BMPR1B: variants seen among roughly 807,000 people sequenced by gnomAD.
BMPR1B encodes bone morphogenetic protein receptor type 1B.
A neutral mutation model predicts 59.1 loss-of-function variants in BMPR1B; 12 were observed. That is an observed-to-expected ratio of 0.20 (90% CI 0.13 to 0.33). BMPR1B has a LOEUF of 0.33. Ranked by LOEUF, BMPR1B falls within the 10% of genes least tolerant of loss-of-function variation. The pLI is 1.00. For missense variants in BMPR1B, 550 were observed against 610.9 expected, an observed-to-expected ratio of 0.90 and a Z score of 1.05; for synonymous variants, 237 against 207.3, an observed-to-expected ratio of 1.14 and a Z score of -1.23.
intron 1 of BMPR1B, among the ~76,000 whole-genome samples, chr4:94,764,794 C>T (rs1241530320): frequency 6.6e-6 from 1 of 152,134 alleles, no homozygotes; most frequent in African/African-American, 2.4e-5. Context: ...TTCCTTCACT[C>T]TTTCACAAAT....
intron 1 of BMPR1B, among the ~76,000 whole-genome samples, chr4:94,786,988 C>T (rs1029967426): frequency 4.6e-5 from 7 of 152,110 alleles, no homozygotes; most frequent in African/African-American, 1.2e-4. Flanking sequence ...TGCATCTGGC[C>T]GTAAACGTAA....
intron 3 of BMPR1B, among the ~76,000 whole-genome samples, chr4:95,012,930 G>A (rs2149126323): frequency 6.6e-6 from 1 of 152,094 alleles, no homozygotes; most frequent in Admixed American, 6.6e-5. Flanking sequence ...AAACAAATAG[G>A]TGCCTATCCA....
intron 3 of BMPR1B, among the ~76,000 whole-genome samples, chr4:95,062,568 G>T (rs1473521056): frequency 6.6e-6 from 1 of 152,072 alleles, no homozygotes; most frequent in African/African-American, 2.4e-5. Flanking sequence ...AATCTAAAGA[G>T]ATTACATGCA....
intron 2 of BMPR1B, among the ~76,000 whole-genome samples, chr4:94,884,722 A>G (rs1328719980): frequency 1.3e-5 from 2 of 152,198 alleles, no homozygotes; most frequent in African/African-American, 4.8e-5. Context: ...ACAGATTATG[A>G]TTGAGTAAAT....
chr4:94,941,444 A>AG, intron 2 of BMPR1B, among the ~76,000 whole-genome samples: 1 of 152,156 alleles, frequency 6.6e-6, no homozygotes, highest in South Asian at 2.1e-4. Context: ...AAAAAAAAAA[A>AG]ATGAAAAAGT....
At chr4:95,087,154 A>G (rs1217298683) in intron 3 of BMPR1B, among the ~76,000 whole-genome samples, 1 of 151,804 alleles carries the variant, frequency 6.6e-6, no homozygotes, top group Non-Finnish European at 1.5e-5. Context: ...CAGCCTCTCT[A>G]GTAGCTGGGA....
chr4:94,890,899 G>A (rs892749753), intron 2 of BMPR1B, among the ~76,000 whole-genome samples: 59 of 151,970 alleles, frequency 3.9e-4, no homozygotes, highest in African/African-American at 1.4e-3. Flanking sequence ...TATGAATTGG[G>A]GATGACACAA....
At chr4:94,944,421 T>C (rs536504076) in intron 2 of BMPR1B, among the ~76,000 whole-genome samples, 35 of 152,314 alleles carry the variant, frequency 2.3e-4, no homozygotes, top group Admixed American at 5.9e-4. Context: ...CCATAGTTAG[T>C]GGTAGCAGAT....
At chr4:94,959,081 T>C (rs923637227) in intron 2 of BMPR1B, among the ~76,000 whole-genome samples, 1 of 152,108 alleles carries the variant, frequency 6.6e-6, no homozygotes, top group African/African-American at 2.4e-5. Context: ...TTAGGGTTGC[T>C]TGAAAGCCAC....
intron 3 of BMPR1B, among the ~76,000 whole-genome samples, chr4:95,002,120 C>T (rs1293565867): frequency 6.6e-6 from 1 of 152,126 alleles, no homozygotes; most frequent in African/African-American, 2.4e-5. Context: ...TAGTTTTTCT[C>T]TCTTCCTACC....
chr4:95,024,835 G>T (rs973141003), intron 3 of BMPR1B, among the ~76,000 whole-genome samples: 2 of 152,156 alleles, frequency 1.3e-5, no homozygotes, highest in Non-Finnish European at 2.9e-5. Flanking sequence ...GGGTACATTG[G>T]CTCACACCTG....
intron 3 of BMPR1B, among the ~76,000 whole-genome samples, chr4:94,998,496 C>T (rs1722221126): frequency 6.6e-6 from 1 of 151,874 alleles, no homozygotes; most frequent in South Asian, 2.1e-4. Flanking sequence ...GCCTTAGCCT[C>T]CCGAGTAGCT....
chr4:94,964,362 G>A (rs1022337112), intron 2 of BMPR1B, among the ~76,000 whole-genome samples: 3 of 152,094 alleles, frequency 2.0e-5, no homozygotes, highest in African/African-American at 7.2e-5. Context: ...GTGCTAGGTT[G>A]AATAAGAATG....
At chr4:95,072,745 T>C (rs1728406428) in intron 3 of BMPR1B, among the ~76,000 whole-genome samples, 2 of 152,180 alleles carry the variant, frequency 1.3e-5, no homozygotes, top group East Asian at 1.9e-4. Flanking sequence ...ACCATACATA[T>C]TCATTTGGAA....
At chr4:94,935,839 A>AAT (rs1034486847) in intron 2 of BMPR1B, among the ~76,000 whole-genome samples, 5 of 152,206 alleles carry the variant, frequency 3.3e-5, no homozygotes, top group Non-Finnish European at 7.3e-5. Flanking sequence ...AACAAAATAA[A>AAT]ATATATATGG....
intron 8 of BMPR1B, among the ~76,000 whole-genome samples, chr4:95,128,924 C>T (rs1169256444): frequency 6.6e-6 from 1 of 152,048 alleles, no homozygotes; most frequent in Non-Finnish European, 1.5e-5. Flanking sequence ...AATTCATTCT[C>T]TATAATCTTC....
At chr4:95,069,375 T>C (rs1362077612) in intron 3 of BMPR1B, among the ~76,000 whole-genome samples, 2 of 152,228 alleles carry the variant, frequency 1.3e-5, no homozygotes, top group Admixed American at 6.5e-5. Flanking sequence ...ACTACTGTTA[T>C]TCTTGCTGGA....
chr4:95,093,438 TCTGCTG>T, intron 3 of BMPR1B, among the ~76,000 whole-genome samples: 1 of 1,998 alleles, frequency 5.0e-4, no homozygotes, highest in Admixed American at 7.9e-3. Context: ...TAATTCTATG[TCTGCTG>T]AGGTTTATAA....
intron 1 of BMPR1B, among the ~76,000 whole-genome samples, chr4:94,774,477 C>A (rs1722296700): frequency 6.6e-6 from 1 of 151,838 alleles, no homozygotes; most frequent in South Asian, 2.1e-4. Context: ...AGGCAAATCC[C>A]CTTTATGTGG....
Sources: gnomAD v4.1 joint callset for allele counts (sites outside exome capture counted in the v4.1 genomes callset) on GRCh38, gnomAD v4.1.1 for gene constraint, MANE v1.5 for transcripts, NCBI Gene and HGNC (gene_info 2026-07-23, HGNC 2026-07-21) for gene names.